The following ST3GAL3 variants were observed in gnomAD, a reference collection of about 807,000 sequenced individuals.
The protein encoded by ST3GAL3 is ST3 beta-galactoside alpha-2,3-sialyltransferase 3, also known as CMP-N-acetylneuraminate-beta-1,4-galactoside alpha-2,3-sialyltransferase.
A neutral mutation model predicts 50.1 loss-of-function variants in ST3GAL3; 21 were observed. The observed-to-expected ratio is 0.42, with a 90% CI of 0.30 to 0.60. ST3GAL3 has a LOEUF of 0.60. Among genes scored for constraint, ST3GAL3 ranks in the 20% least tolerant of loss-of-function variants. The probability of loss-of-function intolerance (pLI) is 0.19; values close to 1 mark genes in which losing one functional copy is unlikely to be tolerated. For synonymous variants in ST3GAL3, 183 were observed against 190.0 expected (o/e 0.96, Z 0.30); for missense variants, 353 against 489.4 (o/e 0.72, Z 2.63).
At chr1:43,894,039 G>A (rs1466101069) in intron 5 of ST3GAL3, 5 of 361,980 alleles carry the variant, frequency 1.4e-5, no homozygotes, top group Non-Finnish European at 2.7e-5. Context: ...CAGATTGCAG[G>A]AACAGTGTGG....
At chr1:43,903,168 A>G (rs1047981957) in intron 9 of ST3GAL3, among the ~76,000 whole-genome samples, 7 of 152,066 alleles carry the variant, frequency 4.6e-5, no homozygotes, top group African/African-American at 1.7e-4. Context: ...GTGTGGATCA[A>G]GCATGAGGGT....
intron 2 of ST3GAL3, 42 bp downstream of exon 2, chr1:43,736,422 G>T: frequency 6.2e-7 from 1 of 1,614,132 alleles, no homozygotes; most frequent in Non-Finnish European, 8.5e-7. Context: ...GAAGCCTGTT[G>T]CAGGTCAGTT....
chr1:43,733,049 G>A (rs1485041567), intron 1 of ST3GAL3, among the ~76,000 whole-genome samples: 1 of 150,900 alleles, frequency 6.6e-6, no homozygotes, highest in African/African-American at 2.4e-5. Flanking sequence ...CATGATCATA[G>A]CTCACTGCAG....
intron 1 of ST3GAL3, among the ~76,000 whole-genome samples, chr1:43,712,681 T>G (rs1665373814): frequency 6.6e-6 from 1 of 152,206 alleles, no homozygotes; most frequent in South Asian, 2.1e-4. Context: ...GAAGTTCACA[T>G]CTGACCTACA....
intron 5 of ST3GAL3, among the ~76,000 whole-genome samples, chr1:43,881,801 G>A (rs771694688): frequency 2.0e-5 from 3 of 152,198 alleles, no homozygotes; most frequent in Non-Finnish European, 4.4e-5. Context: ...GGGTGGGGGT[G>A]TCTGTGAACA....
intron 4 of ST3GAL3, among the ~76,000 whole-genome samples, chr1:43,817,555 C>CCTTCTTCT (rs2154179908): frequency 1.1e-5 from 1 of 91,102 alleles, no homozygotes; most frequent in South Asian, 3.8e-4. Flanking sequence ...TCTTCTTCTT[C>CCTTCTTCT]TCCTTCTTCC....
At chr1:43,712,212 A>ATG (rs1295914743) in intron 1 of ST3GAL3, among the ~76,000 whole-genome samples, 1 of 152,228 alleles carries the variant, frequency 6.6e-6, no homozygotes, top group Non-Finnish European at 1.5e-5. Context: ...GTAAGCACTC[A>ATG]TGATCACAGT....
intron 1 of ST3GAL3, among the ~76,000 whole-genome samples, chr1:43,708,978 A>G (rs1200698506): frequency 6.6e-6 from 1 of 152,230 alleles, no homozygotes; most frequent in Non-Finnish European, 1.5e-5. Context: ...CACACATGAC[A>G]ATGATAACTG....
chr1:43,861,755 A>G (rs1245872544), intron 5 of ST3GAL3, among the ~76,000 whole-genome samples: 1 of 152,196 alleles, frequency 6.6e-6, no homozygotes, highest in South Asian at 2.1e-4. Flanking sequence ...TTGGCCGGGC[A>G]CAGTGGCTCA....
intron 2 of ST3GAL3, among the ~76,000 whole-genome samples, chr1:43,784,262 A>T (rs2056988227): frequency 6.6e-6 from 1 of 152,070 alleles, no homozygotes; most frequent in Non-Finnish European, 1.5e-5. Flanking sequence ...TAATCCCAGC[A>T]CTTTGGGAGG....
chr1:43,891,840 T>G (rs149876622), intron 5 of ST3GAL3, among the ~76,000 whole-genome samples: 1 of 152,194 alleles, frequency 6.6e-6, no homozygotes, highest in Non-Finnish European at 1.5e-5. Flanking sequence ...TAGCATCTCC[T>G]AAAGAAAGGA....
At chr1:43,868,272 T>C (rs1239954430) in intron 5 of ST3GAL3, among the ~76,000 whole-genome samples, 1 of 152,204 alleles carries the variant, frequency 6.6e-6, no homozygotes, top group Non-Finnish European at 1.5e-5. Flanking sequence ...TATAAGGTAA[T>C]TCCATTTATG....
chr1:43,860,114 A>G (rs1263035239), intron 5 of ST3GAL3, among the ~76,000 whole-genome samples: 2 of 152,184 alleles, frequency 1.3e-5, no homozygotes, highest in African/African-American at 4.8e-5. Flanking sequence ...GGGCGTATGC[A>G]AGGAGAATGA....
At chr1:43,762,800 G>A (rs933018995) in intron 2 of ST3GAL3, among the ~76,000 whole-genome samples, 2 of 152,142 alleles carry the variant, frequency 1.3e-5, no homozygotes, top group African/African-American at 4.8e-5. Flanking sequence ...GAGTGGGTGA[G>A]ACTGCTGGGG....
intron 3 of ST3GAL3, among the ~76,000 whole-genome samples, chr1:43,807,417 A>AAAAT (rs59894927): frequency 0.036 from 5,162 of 142,636 alleles, 262 homozygotes; most frequent in African/African-American, 0.11. Flanking sequence ...CTCTGTCTCA[A>AAAAT]AAATAAATAA....
chr1:43,927,511 A>G (rs77345871), intron 11 of ST3GAL3, among the ~76,000 whole-genome samples: 1,806 of 152,304 alleles, frequency 0.012, 39 homozygotes, highest in African/African-American at 0.042. Context: ...TGACCCATCA[A>G]ATTCGTTACT....
chr1:43,805,935 C>T (rs771549120), intron 3 of ST3GAL3, among the ~76,000 whole-genome samples: 7 of 152,118 alleles, frequency 4.6e-5, no homozygotes, highest in Non-Finnish European at 8.8e-5. Flanking sequence ...GGGGTTTCAC[C>T]GTGTTGGTCA....
chr1:43,920,248 C>A (rs952195990), intron 9 of ST3GAL3, 156 bp from the exon 10 acceptor site: 1 of 829,498 alleles, frequency 1.2e-6, no homozygotes, highest in Admixed American at 2.0e-5. Context: ...CTCCATTTCC[C>A]CAAACACAGA....
chr1:43,763,226 T>G (rs1691223368), intron 2 of ST3GAL3, among the ~76,000 whole-genome samples: 1 of 152,254 alleles, frequency 6.6e-6, no homozygotes, highest in South Asian at 2.1e-4. Context: ...GAGGAGGCTC[T>G]GTATACACTA....
Sources: allele counts gnomAD v4.1 joint callset (sites outside exome capture counted in the v4.1 genomes callset), GRCh38; gene constraint gnomAD v4.1.1; transcripts MANE v1.5; gene names NCBI Gene and HGNC (gene_info 2026-07-23, HGNC 2026-07-21).